The following SLC35D4 variants were observed in gnomAD, a reference collection of about 807,000 sequenced individuals.
SLC35D4 encodes the protein solute carrier family 35 member D4, also known as UDP-N-acetylglucosamine transporter SLC35D4.
the SLC35D4 span, among the ~76,000 whole-genome samples, chr18:23,422,005 G>A: frequency 2.6e-5 from 4 of 151,734 alleles, no homozygotes; most frequent in Non-Finnish European, 4.4e-5. Flanking sequence ...GACTTTTCCT[G>A]AACAGCCTCA....
the SLC35D4 span, among the ~76,000 whole-genome samples, chr18:23,248,538 T>TTA: frequency 3.8e-3 from 352 of 93,602 alleles, 5 homozygotes; most frequent in African/African-American, 9.5e-3. Flanking sequence ...TTTTTTTTTT[T>TTA]AAAAAAAGGC....
the SLC35D4 span, among the ~76,000 whole-genome samples, chr18:23,381,573 TAAC>T: frequency 2.2e-4 from 34 of 152,194 alleles, no homozygotes; most frequent in East Asian, 3.7e-3. Flanking sequence ...TTTGTTTTAA[TAAC>T]AACAACAACA....
the SLC35D4 span, among the ~76,000 whole-genome samples, chr18:23,423,848 T>C: frequency 6.6e-6 from 1 of 152,046 alleles, no homozygotes; most frequent in Non-Finnish European, 1.5e-5. Context: ...AGAAGTTCAT[T>C]TGGTCTGGAC....
the SLC35D4 span, among the ~76,000 whole-genome samples, chr18:23,300,764 A>G: frequency 6.6e-6 from 1 of 152,250 alleles, no homozygotes; most frequent in Non-Finnish European, 1.5e-5. Context: ...TGAAATGAAC[A>G]AACTTCATGT....
the SLC35D4 span, among the ~76,000 whole-genome samples, chr18:23,413,492 T>C: frequency 6.6e-6 from 1 of 152,142 alleles, no homozygotes; most frequent in Non-Finnish European, 1.5e-5. Context: ...TACCCTCCAC[T>C]GTAAGGGCAG....
the SLC35D4 span, among the ~76,000 whole-genome samples, chr18:23,387,890 T>G: frequency 6.6e-6 from 1 of 152,232 alleles, no homozygotes; most frequent in Non-Finnish European, 1.5e-5. Context: ...TTTTCATGTT[T>G]GTTAAGATTA....
the SLC35D4 span, among the ~76,000 whole-genome samples, chr18:23,304,804 C>T: frequency 6.6e-6 from 1 of 151,996 alleles, no homozygotes; most frequent in Non-Finnish European, 1.5e-5. Flanking sequence ...GAGAGGGGTC[C>T]AGTCCTCTTC....
the SLC35D4 span, chr18:23,371,456 T>C: frequency 5.0e-6 from 8 of 1,596,990 alleles, no homozygotes; most frequent in Non-Finnish European, 6.8e-6. Context: ...CCCAAAAATA[T>C]CCATCTGGAT....
chr18:23,263,463 C>T, the SLC35D4 span, among the ~76,000 whole-genome samples: 7 of 152,364 alleles, frequency 4.6e-5, no homozygotes, highest in South Asian at 4.1e-4. Flanking sequence ...CCTGGTAGAA[C>T]ATGAAATGTT....
the SLC35D4 span, chr18:23,331,390 G>GC: frequency 0.096 from 14,573 of 151,988 alleles, 944 homozygotes; most frequent in Middle Eastern, 0.18. Context: ...AGTGAAACCT[G>GC]CCCCCCGCCA....
chr18:23,343,903 T>C, the SLC35D4 span, among the ~76,000 whole-genome samples: 1 of 151,140 alleles, frequency 6.6e-6, no homozygotes, highest in African/African-American at 2.4e-5. Context: ...TCTCATTCTT[T>C]TTTTTTTTTT....
At chr18:23,308,782 G>A in the SLC35D4 span, among the ~76,000 whole-genome samples, 25 of 151,954 alleles carry the variant, frequency 1.6e-4, no homozygotes, top group Non-Finnish European at 2.4e-4. Context: ...AGGATCATTT[G>A]GAGCTTATCT....
chr18:23,416,213 G>A, the SLC35D4 span, among the ~76,000 whole-genome samples: 169 of 152,210 alleles, frequency 1.1e-3, 1 homozygote, highest in African/African-American at 3.8e-3. Flanking sequence ...CAGGTTCTGA[G>A]GCTCATTTGA....
At chr18:23,274,907 G>T in the SLC35D4 span, among the ~76,000 whole-genome samples, 1 of 152,214 alleles carries the variant, frequency 6.6e-6, no homozygotes, top group Non-Finnish European at 1.5e-5. Flanking sequence ...GTGAATGCGG[G>T]AGTGTGTGCT....
chr18:23,419,330 C>T, the SLC35D4 span, among the ~76,000 whole-genome samples: 5 of 151,810 alleles, frequency 3.3e-5, no homozygotes, highest in Admixed American at 3.3e-4. Context: ...TTCGCTCTTA[C>T]AACCCAGGCT....
At chr18:23,386,197 C>A in the SLC35D4 span, among the ~76,000 whole-genome samples, 3 of 151,588 alleles carry the variant, frequency 2.0e-5, no homozygotes, top group East Asian at 5.8e-4. Context: ...TCCCTGGAAC[C>A]TGTAAATGTT....
the SLC35D4 span, chr18:23,377,622 T>C: frequency 3.2e-6 from 5 of 1,572,392 alleles, no homozygotes; most frequent in East Asian, 2.3e-5. Context: ...TTATGGCTTT[T>C]TGGGGGGAGG....
At chr18:23,362,136 T>C in the SLC35D4 span, among the ~76,000 whole-genome samples, 1 of 152,334 alleles carries the variant, frequency 6.6e-6, no homozygotes, top group East Asian at 1.9e-4. Context: ...AGTTTAGCAA[T>C]AACTCAAGGT....
the SLC35D4 span, among the ~76,000 whole-genome samples, chr18:23,338,856 T>C: frequency 6.6e-6 from 1 of 152,118 alleles, no homozygotes; most frequent in African/African-American, 2.4e-5. Context: ...ATGAACACCA[T>C]TCCATCCTAA....
Sources: gnomAD v4.1 joint callset for allele counts (sites outside exome capture counted in the v4.1 genomes callset) on GRCh38, gnomAD v4.1.1 for gene constraint, MANE v1.5 for transcripts, NCBI Gene and HGNC (gene_info 2026-07-23, HGNC 2026-07-21) for gene names.